The following TMEM132B variants were observed in gnomAD, a reference collection of about 807,000 sequenced individuals.
The protein encoded by TMEM132B is transmembrane protein 132B.
A neutral mutation model predicts 90.8 loss-of-function variants in TMEM132B; 18 were observed. That is an observed-to-expected ratio of 0.20 (90% CI 0.14 to 0.29). TMEM132B has a LOEUF of 0.29. Ranked by LOEUF, TMEM132B falls within the 10% of genes least tolerant of loss-of-function variation. The pLI, the probability that TMEM132B is intolerant of heterozygous loss-of-function variation, is 1.00. For synonymous variants in TMEM132B, 504 were observed against 523.3 expected, an observed-to-expected ratio of 0.96 and a Z score of 0.50; for missense variants, 1,096 against 1,326.8, an observed-to-expected ratio of 0.83 and a Z score of 2.70.
intron 5 of TMEM132B, among the ~76,000 whole-genome samples, chr12:125,639,748 A>G (rs1006658563): frequency 3.9e-5 from 6 of 152,224 alleles, no homozygotes; most frequent in African/African-American, 7.2e-5. Context: ...AGCAAATTAG[A>G]TACAGGAAAA....
At chr12:125,510,579 G>C (rs1376377830) in intron 3 of TMEM132B, among the ~76,000 whole-genome samples, 2 of 152,242 alleles carry the variant, frequency 1.3e-5, no homozygotes, top group African/African-American at 4.8e-5. Flanking sequence ...AATATTTCTT[G>C]ATTAGAGAAA....
At position 125,406,833 on chromosome 12, in the gene TMEM132B, C is replaced by T. The variant is rs569157099; in HGVS notation, c.960-8698C>T. Among the ~76,000 whole-genome samples, 3 of 152,262 alleles carry T rather than the reference C, an allele frequency of 2.0e-5. No homozygotes were observed. Among genetic ancestry groups the T allele is most frequent in the South Asian group, 2.1e-4 (1 of 4,818 alleles). Reference sequence around the variant, plus strand: ...TAGAAGGACTCAAAGAACTCAGAAACGCTGTTGTACTTATAAATATTGTTT... The same window carrying T: ...TAGAAGGACTCAAAGAACTCAGAAATGCTGTTGTACTTATAAATATTGTTT... On this transcript the variant is annotated intron_variant, in intron 2 of 8. Coordinates refer to ENST00000682704, the MANE Select transcript of TMEM132B (RefSeq NM_001366854.1). This position sits in a 1 kb window ranked among gnomAD's most constrained non-coding sequence, Gnocchi z 8.3.
At chr12:125,365,431 AAAGACATTAGG>A (rs1489409288) in intron 2 of TMEM132B, among the ~76,000 whole-genome samples, 1 of 152,116 alleles carries the variant, frequency 6.6e-6, no homozygotes, top group African/African-American at 2.4e-5. Context: ...TATGTATTAT[AAAGACATTAGG>A]AAGAAAAAGC....
intron 2 of TMEM132B, among the ~76,000 whole-genome samples, chr12:125,358,146 TG>T (rs151230909): frequency 2.0e-4 from 31 of 152,030 alleles, no homozygotes; most frequent in African/African-American, 6.8e-4. Context: ...ACACTCTCTA[TG>T]GGGGGGAGAC....
At chr12:125,330,797 T>C (rs1876743564) in intron 1 of TMEM132B, among the ~76,000 whole-genome samples, 1 of 152,196 alleles carries the variant, frequency 6.6e-6, no homozygotes, top group Admixed American at 6.5e-5. Context: ...CAAGCTGCAC[T>C]TGGGGAGGCA....
rs1169632950 is a variant in TMEM132B, at chr12:125,519,501, T to A, written c.1169T>A (p.Leu390Gln). 8 of 1,614,048 alleles carry A rather than the reference T, an allele frequency of 5.0e-6. No individual in the cohort carries two copies. The highest frequency in any genetic ancestry group is 5.9e-6 in the Non-Finnish European group (7 of 1,180,024). The change falls in exon 4 of 9, where the codon CTG (leucine) becomes CAG (glutamine). Residue 390 changes from leucine (L) to glutamine (Q), a missense_variant. By Grantham distance (113) the Leu-to-Gln change is moderately radical. Transcript: ENST00000682704. ...TTTGGAATTGATAATAGCAGTGACC[T>A]GGCTGGGGCCCAGCAGATTACCTGG... ...VDFGIDNSSD[L>Q]AGAQQITWQV... is the part of the protein sequence containing the mutation.
chr12:125,319,625 G>T (rs1433308695), intron 1 of TMEM132B, among the ~76,000 whole-genome samples: 1 of 152,198 alleles, frequency 6.6e-6, no homozygotes, highest in Non-Finnish European at 1.5e-5. Flanking sequence ...GCTGCGCTGG[G>T]CTTCCTTCCT....
chr12:125,187,649 T>A (rs1957767967), intron 1 of TMEM132B, among the ~76,000 whole-genome samples: 1 of 152,076 alleles, frequency 6.6e-6, no homozygotes, highest in Admixed American at 6.5e-5. Context: ...TCCTAGTGAG[T>A]GGGAAAAGCA....
At chr12:125,307,721 G>A (rs926635481) in intron 1 of TMEM132B, among the ~76,000 whole-genome samples, 2 of 6,548 alleles carry the variant, frequency 3.1e-4, no homozygotes, top group Non-Finnish European at 7.4e-4. Context: ...TTCAGATCAT[G>A]TCTATGTGTA....
intron 2 of TMEM132B, among the ~76,000 whole-genome samples, chr12:125,383,683 T>C (rs1377971836): frequency 6.6e-6 from 1 of 152,234 alleles, no homozygotes; most frequent in Admixed American, 6.5e-5. Flanking sequence ...AACTTTTGTC[T>C]CTTCTTTTGA....
intron 5 of TMEM132B, among the ~76,000 whole-genome samples, chr12:125,607,680 G>A (rs1011021728): frequency 5.9e-5 from 9 of 152,162 alleles, no homozygotes; most frequent in African/African-American, 2.2e-4. Context: ...TGTAAAGTCA[G>A]CTCTATTACC....
intron 2 of TMEM132B, among the ~76,000 whole-genome samples, chr12:125,358,119 C>T (rs776098466): frequency 5.3e-5 from 8 of 152,116 alleles, no homozygotes; most frequent in Non-Finnish European, 1.0e-4. Flanking sequence ...CCCATGCTCC[C>T]ATCCCTAATC....
intron 3 of TMEM132B, among the ~76,000 whole-genome samples, chr12:125,481,368 GC>G (rs1457770863): frequency 6.6e-6 from 1 of 152,148 alleles, no homozygotes; most frequent in African/African-American, 2.4e-5. Flanking sequence ...CATCATCTCA[GC>G]CCAAAATCTC....
intron 4 of TMEM132B, among the ~76,000 whole-genome samples, chr12:125,534,882 T>A (rs1883755811): frequency 6.6e-6 from 1 of 152,186 alleles, no homozygotes. Flanking sequence ...AGTTTCTCAA[T>A]TGCACATGCC....
At chr12:125,614,136 AT>A (rs972718608) in intron 5 of TMEM132B, among the ~76,000 whole-genome samples, 5 of 151,898 alleles carry the variant, frequency 3.3e-5, no homozygotes, top group East Asian at 1.9e-4. Context: ...TAATTTCAAC[AT>A]TTTTTTTAGA....
At chr12:125,304,906 C>T (rs948798771) in intron 1 of TMEM132B, among the ~76,000 whole-genome samples, 20 of 152,258 alleles carry the variant, frequency 1.3e-4, no homozygotes, top group Admixed American at 3.9e-4. Flanking sequence ...TTGACACATT[C>T]TTAGCATAGC....
rs1316647567 is a variant in TMEM132B, at chr12:125,661,049, A to G, written c.*6339A>G. 1 of 152,188 alleles carries G rather than the reference A, an allele frequency of 6.6e-6. No homozygotes were observed. Among genetic ancestry groups the G allele is most frequent in the African/African-American group, 2.4e-5 (1 of 41,444 alleles). The allele number at this position is 152,188 out of a possible 1,614,324, so 9.4% of individuals were successfully genotyped here. On this transcript the variant is annotated 3_prime_UTR_variant, in exon 9 of 9. Transcript: ENST00000682704. ...CTTTTGACCTGACACATCTTTCTGT[A>G]CTTCCTGTGGCCAAAAAAGCAAGTG...
intron 3 of TMEM132B, among the ~76,000 whole-genome samples, chr12:125,514,813 G>T (rs73414336): frequency 0.096 from 14,571 of 152,102 alleles, 1,081 homozygotes; most frequent in East Asian, 0.29. Flanking sequence ...AGGAACAGCC[G>T]CATGTGGTCC....
In TMEM132B at chr12:125,209,896, C is replaced by T. The variant is rs371446066; in HGVS notation, c.67+23030C>T. Reference sequence around the variant, plus strand: ...TGTTAGATGGCCAGAGTGTCTTCCTCGCCTTGTCCTGTGAGTCTCGTAGGT... The same window carrying T: ...TGTTAGATGGCCAGAGTGTCTTCCTTGCCTTGTCCTGTGAGTCTCGTAGGT... On this transcript the variant is annotated intron_variant, in intron 1 of 8. Transcript: ENST00000682704. The surrounding 1 kb of genome is among the most constrained non-coding windows in gnomAD (Gnocchi z 4.4). Among the ~76,000 whole-genome samples, 33 of 152,286 alleles carry T rather than the reference C, an allele frequency of 2.2e-4. No individual in the cohort carries two copies. The highest frequency in any genetic ancestry group is 4.1e-4 in the African/African-American group (17 of 41,554).
Sources: allele counts gnomAD v4.1 joint callset (sites outside exome capture counted in the v4.1 genomes callset), GRCh38; gene constraint gnomAD v4.1.1; non-coding constraint Gnocchi (gnomAD v3.1); transcripts MANE v1.5; gene names NCBI Gene and HGNC (gene_info 2026-07-23, HGNC 2026-07-21).